The following PLPPR5 variants were observed in gnomAD, a reference collection of about 807,000 sequenced individuals.
The protein encoded by PLPPR5 is phospholipid phosphatase-related protein type 5.
In PLPPR5, 16 loss-of-function variants were observed where a neutral mutation model predicts 33.9. The observed-to-expected ratio is 0.47, with a 90% CI of 0.32 to 0.72. The LOEUF is 0.72. Ranked by LOEUF, PLPPR5 falls within the 30% of genes least tolerant of loss-of-function variation. The pLI is 0.03. For missense variants in PLPPR5, 301 were observed against 406.7 expected, an observed-to-expected ratio of 0.74 and a Z score of 2.23; for synonymous variants, 163 against 150.3, an observed-to-expected ratio of 1.08 and a Z score of -0.62.
intron 5 of PLPPR5, among the ~76,000 whole-genome samples, chr1:98,899,947 C>T (rs1648630838): frequency 1.3e-5 from 2 of 152,092 alleles, no homozygotes; most frequent in Admixed American, 1.3e-4. Flanking sequence ...ACTTTGTCTT[C>T]TAAGTTTGTT....
chr1:98,929,736 C>T (rs1294642027), intron 3 of PLPPR5, among the ~76,000 whole-genome samples: 1 of 152,176 alleles, frequency 6.6e-6, no homozygotes, highest in Non-Finnish European at 1.5e-5. Flanking sequence ...GACTATTTAT[C>T]TCCAGTATGA....
intron 5 of PLPPR5, among the ~76,000 whole-genome samples, chr1:98,893,348 C>T (rs1648352528): frequency 6.6e-6 from 1 of 151,970 alleles, no homozygotes; most frequent in African/African-American, 2.4e-5. Context: ...TCAAAATTAA[C>T]TCTGAAATTT....
intron 1 of PLPPR5, among the ~76,000 whole-genome samples, chr1:98,995,370 T>C (rs1319823516): frequency 6.6e-6 from 1 of 152,094 alleles, no homozygotes; most frequent in African/African-American, 2.4e-5. Context: ...ATTATTCTTA[T>C]TACCTGGGTG....
intron 4 of PLPPR5, among the ~76,000 whole-genome samples, chr1:98,918,367 CTAT>C (rs1278751151): frequency 6.6e-6 from 1 of 152,152 alleles, no homozygotes; most frequent in Non-Finnish European, 1.5e-5. Flanking sequence ...AGCACAATAA[CTAT>C]TATTGTTGTA....
chr1:98,959,514 T>C (rs1571502), intron 1 of PLPPR5, among the ~76,000 whole-genome samples: 11,097 of 152,280 alleles, frequency 0.073, 545 homozygotes, highest in Middle Eastern at 0.1. Flanking sequence ...GGCCCATGAA[T>C]GGAAAGTCCT....
intron 2 of PLPPR5, among the ~76,000 whole-genome samples, chr1:98,953,866 A>G (rs1321021309): frequency 6.6e-6 from 1 of 152,166 alleles, no homozygotes; most frequent in Non-Finnish European, 1.5e-5. Context: ...TCTTAAGTAA[A>G]CCAGAATGCT....
At chr1:98,997,148 AAAAC>A (rs1029462947) in intron 1 of PLPPR5, among the ~76,000 whole-genome samples, 6 of 152,192 alleles carry the variant, frequency 3.9e-5, no homozygotes, top group South Asian at 2.1e-4. Flanking sequence ...GCATTTATGT[AAAAC>A]AAACTAGCTA....
intron 5 of PLPPR5, among the ~76,000 whole-genome samples, chr1:98,913,772 CCAG>C (rs1649240292): frequency 6.6e-6 from 1 of 152,158 alleles, no homozygotes; most frequent in African/African-American, 2.4e-5. Flanking sequence ...CGAAGAGAAG[CCAG>C]TAGTAGCCCT....
At chr1:98,946,483 A>G (rs1403461383) in intron 3 of PLPPR5, among the ~76,000 whole-genome samples, 4 of 152,112 alleles carry the variant, frequency 2.6e-5, no homozygotes, top group Admixed American at 6.6e-5. Context: ...CCTCGTGCTG[A>G]GGTTCCCCCT....
rs374184173 is a variant in PLPPR5 at position 99,001,044 on chromosome 1, G to C, written c.237+3391C>G. On this transcript the variant is annotated intron_variant, in intron 1 of 5. Coordinates refer to ENST00000263177, the MANE Select transcript of PLPPR5 (RefSeq NM_001037317.2). ...GACATTTACATATTGTAACTAATTT[G>C]ATATTCAAAACCTTGTCAATAAGGG... Among the ~76,000 whole-genome samples, 3 of 151,596 alleles carry C rather than the reference G, an allele frequency of 2.0e-5. 1 individual carries two copies. The highest frequency in any genetic ancestry group is 3.9e-4 in the East Asian group (2 of 5,176).
At chr1:98,914,516 G>C (rs1338460617) in intron 5 of PLPPR5, among the ~76,000 whole-genome samples, 3 of 151,948 alleles carry the variant, frequency 2.0e-5, no homozygotes, top group South Asian at 4.2e-4. Flanking sequence ...TGAACTCCTG[G>C]TTTCAAGTGA....
At chr1:98,984,955 A>T (rs980515325) in intron 1 of PLPPR5, among the ~76,000 whole-genome samples, 2 of 152,060 alleles carry the variant, frequency 1.3e-5, no homozygotes, top group Non-Finnish European at 2.9e-5. Flanking sequence ...TCTTTCTTGT[A>T]TTGAGCTGGC....
chr1:98,976,100 A>G (rs868620507), intron 1 of PLPPR5, among the ~76,000 whole-genome samples: 2,950 of 150,570 alleles, frequency 0.02, 44 homozygotes, highest in African/African-American at 0.032. Flanking sequence ...AGTAAAAAAA[A>G]AAAAAAAAAA....
chr1:98,917,169 C>G (rs1426762022), intron 4 of PLPPR5, among the ~76,000 whole-genome samples: 3 of 152,108 alleles, frequency 2.0e-5, no homozygotes, highest in African/African-American at 7.2e-5. Flanking sequence ...CACCTCCGCC[C>G]CAGTGCAGAT....
At chr1:99,001,430 C>T (rs1652836600) in intron 1 of PLPPR5, among the ~76,000 whole-genome samples, 3 of 151,766 alleles carry the variant, frequency 2.0e-5, no homozygotes, top group Admixed American at 6.6e-5. Flanking sequence ...TCACCGCAAC[C>T]GACCCCCAAC....
intron 4 of PLPPR5, 40 bp downstream of exon 4, chr1:98,921,842 A>C (rs1380440986): frequency 6.6e-7 from 1 of 1,518,320 alleles, no homozygotes. Flanking sequence ...TATGCAAGTT[A>C]ATTAAAAACC....
intron 3 of PLPPR5, among the ~76,000 whole-genome samples, chr1:98,930,841 C>T (rs953972876): frequency 3.3e-5 from 5 of 152,114 alleles, no homozygotes; most frequent in Middle Eastern, 3.2e-3. Flanking sequence ...CTTTAATTTT[C>T]ATTCAACCAA....
At chr1:98,993,887 C>T (rs997088299) in intron 1 of PLPPR5, among the ~76,000 whole-genome samples, 3 of 152,088 alleles carry the variant, frequency 2.0e-5, no homozygotes, top group African/African-American at 7.2e-5. Context: ...ACAATTTACT[C>T]AGCACAGAGG....
chr1:98,901,251 C>T (rs565856236), intron 5 of PLPPR5, among the ~76,000 whole-genome samples: 2 of 152,122 alleles, frequency 1.3e-5, no homozygotes, highest in African/African-American at 2.4e-5. Flanking sequence ...AATGGCAAAA[C>T]GCGAGGAACC....
Sources: allele counts gnomAD v4.1 joint callset (sites outside exome capture counted in the v4.1 genomes callset), GRCh38; gene constraint gnomAD v4.1.1; transcripts MANE v1.5; gene names NCBI Gene and HGNC (gene_info 2026-07-23, HGNC 2026-07-21).